Variants in PCDHA3 observed in about 807,000 individuals in gnomAD.
The protein encoded by PCDHA3 is protocadherin alpha-3.
A neutral mutation model predicts 62.2 loss-of-function variants in PCDHA3; 41 were observed. That is an observed-to-expected ratio of 0.66 (90% CI 0.51 to 0.86). The LOEUF (loss-of-function observed/expected upper bound fraction) is 0.86, where lower values mean the gene tolerates loss of function less well. Among genes scored for constraint, PCDHA3 ranks in the 40% least tolerant of loss-of-function variants. The pLI is 0.00. For synonymous variants in PCDHA3, 640 were observed against 555.4 expected, an observed-to-expected ratio of 1.15 and a Z score of -2.14; for missense variants, 1,304 against 1,241.2, an observed-to-expected ratio of 1.05 and a Z score of -0.76.
chr5:140,906,702 T>C (rs1315678574), intron 1 of PCDHA3, among the ~76,000 whole-genome samples: 2 of 152,232 alleles, frequency 1.3e-5, no homozygotes, highest in African/African-American at 2.4e-5. Context: ...GGGCCATTTG[T>C]AGTCCTGCCT....
At chr5:140,966,505 A>T in intron 1 of PCDHA3, 1 of 427,984 alleles carries the variant, frequency 2.3e-6, no homozygotes, top group Non-Finnish European at 4.1e-6. Context: ...CTGTAGCGGC[A>T]GCAGCAGCAG....
At chr5:140,822,195 CATTTTA>C (rs2150114492) in intron 1 of PCDHA3, 1 of 1,614,118 alleles carries the variant, frequency 6.2e-7, no homozygotes, top group Non-Finnish European at 8.5e-7. Context: ...AAAGATTATT[CATTTTA>C]GAGTCAAGAA....
At chr5:140,899,193 G>T (rs2153463118) in intron 1 of PCDHA3, among the ~76,000 whole-genome samples, 1 of 151,990 alleles carries the variant, frequency 6.6e-6, no homozygotes, top group Middle Eastern at 3.4e-3. Context: ...TCCTTCTCCT[G>T]CCTAATTGCC....
chr5:140,803,115 G>T lies in PCDHA3; in HGVS notation c.1918G>T (p.Val640Leu). Reference protein sequence around the residue: ...EISTTRALDEVDAPRHRLLVL... With the variant: ...EISTTRALDELDAPRHRLLVL... ...CAGCACGACCCGTGCCCTGGACGAGGTGGACGCCCCGCGCCATCGCCTACT... is the reference window on the plus strand; with the variant it reads ...CAGCACGACCCGTGCCCTGGACGAGTTGGACGCCCCGCGCCATCGCCTACT... Residue 640 changes from valine (V) to leucine (L), a missense_variant, in exon 1 of 4, where the codon GTG becomes TTG. Physicochemically the swap from Val to Leu is conservative, Grantham distance 32 (BLOSUM62 1). Coordinates refer to ENST00000522353, the MANE Select transcript of PCDHA3 (RefSeq NM_018906.3). 2 of 1,613,830 alleles carry T rather than the reference G, an allele frequency of 1.2e-6. No homozygotes were observed. The highest frequency in any genetic ancestry group is 1.7e-6 in the Non-Finnish European group (2 of 1,179,938).
rs560404461 is a variant in PCDHA3, at chr5:140,857,491, G to T, written c.2394+53900G>T. The T allele has an allele frequency of 3.1e-5, 49 of 1,598,340 alleles. 2 individuals are homozygous for T. The highest frequency in any genetic ancestry group is 2.8e-4 in the South Asian group (25 of 90,546). On this transcript the variant is annotated intron_variant, in intron 1 of 3. Transcript: ENST00000522353. Reference sequence around the variant, plus strand: ...TCTTCACGGTGTCTGCGTGGGACGCGGACGCGCAGGAGAACGCCCTGGTGT... The same window carrying T: ...TCTTCACGGTGTCTGCGTGGGACGCTGACGCGCAGGAGAACGCCCTGGTGT...
At chr5:140,962,665 C>T (rs1457197885) in intron 1 of PCDHA3, among the ~76,000 whole-genome samples, 1 of 152,146 alleles carries the variant, frequency 6.6e-6, no homozygotes, top group African/African-American at 2.4e-5. Flanking sequence ...TTTTCATCTT[C>T]CCATCCACTG....
chr5:140,866,359 A>ATT (rs1376841789), intron 1 of PCDHA3: 14 of 152,148 alleles, frequency 9.2e-5, no homozygotes, highest in African/African-American at 2.9e-4. Context: ...TGTTTACAAT[A>ATT]TTGCATACTT....
chr5:140,805,007 T>C, intron 1 of PCDHA3: 1 of 1,543,616 alleles, frequency 6.5e-7, no homozygotes, highest in East Asian at 2.3e-5. Flanking sequence ...AATTTAGTTC[T>C]GTTATCAGCT....
chr5:140,821,911 C>T lies in PCDHA3; in HGVS notation c.2394+18320C>T, dbSNP rs2150111872. ...AGCCAAACACGGAACCTTCGTTGGC[C>T]GCATCGCGCAGGACCTAGGGCTGGA... On this transcript the variant is annotated intron_variant, in intron 1 of 3. Transcript: ENST00000522353. 1.1e-5 allele frequency: 18 copies of T among 1,614,234 alleles called. No individual in the cohort carries two copies. In the East Asian group the frequency reaches 3.3e-4, roughly 30 times the overall value.
rs143527239 is a variant in PCDHA3, at chr5:140,842,140, C to G, written c.2394+38549C>G. The G allele has an allele frequency of 5.6e-4, 901 of 1,613,016 alleles. 21 individuals are homozygous for G. Among genetic ancestry groups the G allele is most frequent in the Admixed American group, 4.6e-3 (273 of 59,984 alleles). On this transcript the variant is annotated intron_variant, in intron 1 of 3. Coordinates refer to ENST00000522353, the MANE Select transcript of PCDHA3 (RefSeq NM_018906.3). ...ATGCTTCTGATCCGGATGAAGGAGC[C>G]AATGGGGCAATTTCATATTCTTTTA...
Position 140,843,361 on chromosome 5 carries a change from G to A in PCDHA3, c.2394+39770G>A, listed in dbSNP as rs2150358294. On this transcript the variant is annotated intron_variant, in intron 1 of 3. Transcript: ENST00000522353. ...GCGGCCAGGCTCCAAAAGCGTCATC[G>A]AGGCAGTCGGCTGGCGTTTTGGGTC... 3.8e-6 allele frequency: 6 copies of A among 1,596,046 alleles called. No individual in the cohort carries two copies. In the South Asian group the frequency reaches 5.5e-5, roughly 15 times the overall value.
At chr5:140,808,463 A>T in intron 1 of PCDHA3, 1 of 1,614,166 alleles carries the variant, frequency 6.2e-7, no homozygotes, top group Non-Finnish European at 8.5e-7. Flanking sequence ...GCTGGTGGTG[A>T]CCGCGCGAGA....
intron 1 of PCDHA3, among the ~76,000 whole-genome samples, chr5:140,972,609 A>G (rs1344399252): frequency 1.3e-5 from 2 of 151,526 alleles, no homozygotes; most frequent in Non-Finnish European, 2.9e-5. Flanking sequence ...TCTGAACTTG[A>G]TACTGAATGT....
chr5:140,871,438 C>T, intron 1 of PCDHA3: 1 of 1,611,836 alleles, frequency 6.2e-7, no homozygotes. Context: ...TCCTCTAGGT[C>T]TGAATAAAGA....
At chr5:140,841,797 A>T in intron 1 of PCDHA3, 1 of 1,613,936 alleles carries the variant, frequency 6.2e-7, no homozygotes, top group Non-Finnish European at 8.5e-7. Flanking sequence ...GGCGCGTCCG[A>T]TGCAGATGTT....
chr5:140,873,437 T>C (rs1554166716), intron 1 of PCDHA3, among the ~76,000 whole-genome samples: 1 of 152,200 alleles, frequency 6.6e-6, no homozygotes, highest in Non-Finnish European at 1.5e-5. Flanking sequence ...TTATATCACA[T>C]AAATAACAAA....
At chr5:140,850,475 G>C (rs2150485791) in intron 1 of PCDHA3, 7 of 1,597,894 alleles carry the variant, frequency 4.4e-6, no homozygotes, top group Middle Eastern at 1.7e-4. Flanking sequence ...CAGCGCTGAC[G>C]GCCACGGCCA....
Position 140,884,183 on chromosome 5 carries a change from G to T in PCDHA3, c.2394+80592G>T, listed in dbSNP as rs201206731. 6.2e-6 allele frequency: 10 copies of T among 1,613,306 alleles called. No individual in the cohort carries two copies. The East Asian group carries it at 6.7e-5, about 11-fold the overall frequency. The stretch of plus-strand genomic sequence containing the variant: ...GATCAGCACGACGCGCCCTCTGGAC[G>T]AGGTGGACGCGCCGCACCACCGCCT... On this transcript the variant is annotated intron_variant, in intron 1 of 3. Transcript: ENST00000522353.
chr5:140,877,092 C>G (rs200462899), intron 1 of PCDHA3: 46 of 1,613,110 alleles, frequency 2.9e-5, no homozygotes, highest in African/African-American at 6.7e-5. Flanking sequence ...CGCGCGACGC[C>G]GGCGTGCCGC....
Sources: gnomAD v4.1 joint callset for allele counts (sites outside exome capture counted in the v4.1 genomes callset) on GRCh38, gnomAD v4.1.1 for gene constraint, MANE v1.5 for transcripts, NCBI Gene and HGNC (gene_info 2026-07-23, HGNC 2026-07-21) for gene names.